Variants in TTC6 observed in about 807,000 individuals in gnomAD.
The protein encoded by TTC6 is tetratricopeptide repeat domain 6, also known as tetratricopeptide repeat protein 6.
Under a neutral mutation model 210.4 loss-of-function variants are expected in TTC6, and 172 were observed. The observed-to-expected ratio is 0.82, with a 90% CI of 0.72 to 0.93. The LOEUF is 0.93. Ranked by LOEUF, TTC6 falls within the 40% of genes least tolerant of loss-of-function variation. TTC6 has a pLI of 0.00. For synonymous variants in TTC6, 804 were observed against 819.6 expected (o/e 0.98, Z 0.32); for missense variants, 2,414 against 2,318.1 (o/e 1.04, Z -0.85).
intron 29 of TTC6, among the ~76,000 whole-genome samples, chr14:37,840,701 T>C (rs2096207986): frequency 1.3e-5 from 2 of 152,156 alleles, no homozygotes; most frequent in Non-Finnish European, 1.5e-5. Context: ...CATATGCAAA[T>C]CAATAAACGT....
chr14:37,779,177 G>T (rs1002005346), intron 14 of TTC6, among the ~76,000 whole-genome samples: 1 of 152,168 alleles, frequency 6.6e-6, no homozygotes, highest in South Asian at 2.1e-4. Flanking sequence ...GCCAGAAATG[G>T]GTCCCAGTTC....
intron 1 of TTC6, among the ~76,000 whole-genome samples, chr14:37,639,005 C>A (rs1016011066): frequency 6.6e-6 from 1 of 152,138 alleles, no homozygotes; most frequent in Non-Finnish European, 1.5e-5. Flanking sequence ...TACATACATA[C>A]GTACAAATAC....
Position 37,644,789 on chromosome 14 carries a change from G to T in TTC6, c.939+21786G>T, listed in dbSNP as rs113308572. On this transcript the variant is annotated intron_variant, in intron 1 of 30. Coordinates refer to ENST00000553443, the Ensembl canonical transcript of TTC6. The stretch of plus-strand genomic sequence containing the variant: ...ACAGTTTTTAGCTTTAAGGAATTAG[G>T]TAACATAACAAGGGAGCTAGCAGAC... 2.0e-3 allele frequency among the ~76,000 whole-genome samples: 299 copies of T among 152,262 alleles called. 1 individual carries two copies. Among genetic ancestry groups the T allele is most frequent in the African/African-American group, 6.8e-3 (282 of 41,556 alleles).
At chr14:37,777,445 T>C (rs775406839) in intron 14 of TTC6, among the ~76,000 whole-genome samples, 7 of 152,356 alleles carry the variant, frequency 4.6e-5, no homozygotes, top group Non-Finnish European at 8.8e-5. Context: ...TTTTCAGCTC[T>C]ATCAGTTCAG....
chr14:37,685,658 G>T (rs1360286656), intron 3 of TTC6, among the ~76,000 whole-genome samples: 1 of 152,244 alleles, frequency 6.6e-6, no homozygotes, highest in East Asian at 1.9e-4. Flanking sequence ...TTAGAAAGAA[G>T]AATTCATAAT....
At chr14:37,652,335 G>A (rs1362953791) in intron 1 of TTC6, among the ~76,000 whole-genome samples, 1 of 152,110 alleles carries the variant, frequency 6.6e-6, no homozygotes, top group Non-Finnish European at 1.5e-5. Flanking sequence ...CAGTAAGACT[G>A]GCTGTGATAG....
intron 30 of TTC6, 78 bp from the exon 33 acceptor site, chr14:37,842,077 T>C: frequency 7.6e-7 from 1 of 1,315,430 alleles, no homozygotes; most frequent in Non-Finnish European, 1.0e-6. Context: ...AAAGTTCTTA[T>C]CCAATTTTTT....
At chr14:37,669,966 G>A (rs966248996) in intron 1 of TTC6, among the ~76,000 whole-genome samples, 6 of 152,172 alleles carry the variant, frequency 3.9e-5, no homozygotes, top group South Asian at 2.1e-4. Flanking sequence ...AGATCCATAC[G>A]AGAAAAATTT....
At chr14:37,693,174 A>T (rs1343260558) in intron 3 of TTC6, among the ~76,000 whole-genome samples, 1 of 150,978 alleles carries the variant, frequency 6.6e-6, no homozygotes, top group Non-Finnish European at 1.5e-5. Context: ...AAACTATGAG[A>T]ACTGATAAAC....
At chr14:37,805,885 A>G (rs1305674963) in intron 21 of TTC6, among the ~76,000 whole-genome samples, 2 of 152,088 alleles carry the variant, frequency 1.3e-5, no homozygotes, top group East Asian at 1.9e-4. Context: ...AGTTTTTAGT[A>G]GAGATGGAGT....
intron 6 of TTC6, among the ~76,000 whole-genome samples, chr14:37,719,024 A>T (rs80108809): frequency 0.057 from 8,696 of 152,234 alleles, 381 homozygotes; most frequent in Non-Finnish European, 0.089. Flanking sequence ...TACAAAAAAA[A>T]CCATGAATAA....
At chr14:37,783,921 T>G (rs1388903806) in intron 14 of TTC6, among the ~76,000 whole-genome samples, 1 of 152,220 alleles carries the variant, frequency 6.6e-6, no homozygotes, top group Admixed American at 6.5e-5. Context: ...GTTGTTCAGC[T>G]TCCATGTAGT....
At chr14:37,831,550 C>A (rs940199043) in intron 29 of TTC6, among the ~76,000 whole-genome samples, 2 of 152,128 alleles carry the variant, frequency 1.3e-5, no homozygotes, top group African/African-American at 2.4e-5. Context: ...TGTACTAAAG[C>A]TCCGATTCTC....
intron 1 of TTC6, among the ~76,000 whole-genome samples, chr14:37,632,710 G>A (rs1443100535): frequency 6.6e-6 from 1 of 152,212 alleles, no homozygotes; most frequent in Non-Finnish European, 1.5e-5. Flanking sequence ...TGCTCAAGCT[G>A]CACCCCCAGC....
chr14:37,688,783 G>A (rs903542538), intron 3 of TTC6, among the ~76,000 whole-genome samples: 15 of 152,130 alleles, frequency 9.9e-5, no homozygotes, highest in African/African-American at 3.6e-4. Flanking sequence ...AGCAGATACA[G>A]CTGAGATCAC....
intron 1 of TTC6, among the ~76,000 whole-genome samples, chr14:37,670,147 G>A (rs987257019): frequency 3.5e-4 from 53 of 152,068 alleles, no homozygotes; most frequent in Non-Finnish European, 5.7e-4. Flanking sequence ...TGTTTGTTAG[G>A]GGACTTACAG....
At chr14:37,697,211 C>A (rs945289089) in intron 4 of TTC6, among the ~76,000 whole-genome samples, 5 of 152,014 alleles carry the variant, frequency 3.3e-5, no homozygotes, top group African/African-American at 1.2e-4. Flanking sequence ...AAATAAAAAA[C>A]AAGCCAACAC....
intron 14 of TTC6, among the ~76,000 whole-genome samples, chr14:37,767,064 C>T (rs1006998474): frequency 6.6e-6 from 1 of 151,966 alleles, no homozygotes; most frequent in Admixed American, 6.6e-5. Flanking sequence ...GTTTTTTGTT[C>T]TCATGATAGT....
At chr14:37,623,119 AAC>A (rs2095654633) in intron 1 of TTC6, 116 bp downstream of exon 3, 5 of 684,688 alleles carry the variant, frequency 7.3e-6, no homozygotes, top group Admixed American at 7.5e-5. Context: ...CATGTATTAT[AAC>A]ACAAAAACAC....
Sources: allele counts gnomAD v4.1 joint callset (sites outside exome capture counted in the v4.1 genomes callset), GRCh38; gene constraint gnomAD v4.1.1; transcripts MANE v1.5; gene names NCBI Gene and HGNC (gene_info 2026-07-23, HGNC 2026-07-21).